EGFR: variants seen among roughly 807,000 people sequenced by gnomAD.
The protein encoded by EGFR is epidermal growth factor receptor, also known as avian erythroblastic leukemia viral (v-erb-b) oncogene homolog.
EGFR carries 58 observed loss-of-function variants against 143.0 expected under a neutral mutation model. The observed-to-expected ratio is 0.41, with a 90% confidence interval of 0.33 to 0.50. EGFR has a LOEUF of 0.50. Ranked by LOEUF, EGFR falls within the 20% of genes least tolerant of loss-of-function variation. The probability of loss-of-function intolerance (pLI) is 0.39; values close to 1 mark genes in which losing one functional copy is unlikely to be tolerated. For missense variants in EGFR, 1,307 were observed against 1,579.0 expected (o/e 0.83, Z 2.92); for synonymous variants, 613 against 594.4 (o/e 1.03, Z -0.45).
At chr7:55,043,008 T>C (rs1216158827) in intron 1 of EGFR, among the ~76,000 whole-genome samples, 2 of 152,132 alleles carry the variant, frequency 1.3e-5, no homozygotes. Context: ...AGTATATATA[T>C]TCCACCTCTT....
Position 55,160,240 on chromosome 7 carries a change from A to G in EGFR, c.1400A>G (p.Lys467Arg). Residue 467 changes from lysine to arginine, a missense_variant, in exon 12 of 28, where the codon AAA becomes AGA. Physicochemically the swap from Lys to Arg is conservative, Grantham distance 26 (BLOSUM62 2). Coordinates refer to ENST00000275493, the MANE Select transcript of EGFR (RefSeq NM_005228.5). ...SDGDVIISGN[K>R]NLCYANTINW... ...GGAGATGTGATAATTTCAGGAAACA[A>G]AAATTTGTGCTATGCAAATACAATA... is the stretch of plus-strand genomic sequence containing the variant. The G allele has an allele frequency of 1.2e-6, 2 of 1,614,222 alleles. No homozygotes were observed. Among genetic ancestry groups the G allele is most frequent in the Non-Finnish European group, 1.7e-6 (2 of 1,180,044 alleles).
intron 1 of EGFR, among the ~76,000 whole-genome samples, chr7:55,050,135 A>G (rs988473691): frequency 6.6e-6 from 1 of 152,360 alleles, no homozygotes; most frequent in Middle Eastern, 3.4e-3. Flanking sequence ...AGTGGAGTTC[A>G]GTGGCATTAA....
chr7:55,091,847 AACACACACAC>A lies in EGFR; in HGVS notation c.89-50404_89-50395del, dbSNP rs71014681. Among the ~76,000 whole-genome samples, 268 of 132,182 alleles carry A rather than the reference AACACACACAC, an allele frequency of 2.0e-3. 4 individuals are homozygous for A. Among genetic ancestry groups the A allele is most frequent in the African/African-American group, 5.6e-3 (195 of 35,022 alleles). The allele number at this position is 132,182 out of a possible 152,430, so 86.7% of individuals were successfully genotyped here. A position where few individuals can be genotyped will look rare whatever the true frequency, so the allele number is the denominator to read the frequency against. Reference sequence around the variant, plus strand: ...CTTATCCAAACCCTGACCCACTGTAAACACACACACACACACACACACACACACACACACA... The same window carrying A: ...CTTATCCAAACCCTGACCCACTGTAAACACACACACACACACACACACACA... On this transcript the variant is annotated intron_variant, in intron 1 of 27. Coordinates refer to ENST00000275493, the MANE Select transcript of EGFR (RefSeq NM_005228.5).
chr7:55,114,033 A>G (rs1792681830), intron 1 of EGFR, among the ~76,000 whole-genome samples: 1 of 152,246 alleles, frequency 6.6e-6, no homozygotes, highest in Non-Finnish European at 1.5e-5. Context: ...TGCCAAAACC[A>G]GGTTCCTTCC....
At chr7:55,024,901 T>G (rs1490978666) in intron 1 of EGFR, among the ~76,000 whole-genome samples, 4 of 152,200 alleles carry the variant, frequency 2.6e-5, no homozygotes, top group Non-Finnish European at 4.4e-5. Context: ...GTCTTTGCCT[T>G]TAATTCTACA....
intron 1 of EGFR, among the ~76,000 whole-genome samples, chr7:55,059,023 ACCTGGT>A (rs1789004602): frequency 6.6e-6 from 1 of 152,208 alleles, no homozygotes; most frequent in Non-Finnish European, 1.5e-5. Context: ...TTTCTGTTGG[ACCTGGT>A]GTTGGGGTTT....
rs2128969871 is a variant in EGFR at position 55,200,357 on chromosome 7, T to A, written c.2890T>A (p.Leu964Met). Residue 964 changes from leucine to methionine, a missense_variant, in exon 24 of 28, where the codon TTG becomes ATG. Transcript: ENST00000275493. Reference protein sequence around the residue: ...DADSRPKFRELIIEFSKMARD... With the variant: ...DADSRPKFREMIIEFSKMARD... The stretch of plus-strand genomic sequence containing the variant: ...AGATAGTCGCCCAAAGTTCCGTGAG[T>A]TGATCATCGAATTCTCCAAAATGGC... The A allele has an allele frequency of 1.2e-6, 2 of 1,614,164 alleles. No homozygotes were observed.
chr7:55,205,414 C>A lies in EGFR; in HGVS notation c.3430C>A (p.Pro1144Thr), dbSNP rs1788070401. The change falls in exon 28 of 28, where the codon CCC (proline) becomes ACC (threonine). Residue 1144 changes from proline (P) to threonine (T), a missense_variant. This residue lies in a region of EGFR where 313 missense variants were observed against 312.3 expected (regional missense o/e 1.00). Coordinates refer to ENST00000275493, the MANE Select transcript of EGFR (RefSeq NM_005228.5). Reference sequence around the variant, plus strand: ...CCCCGAGTATCTCAACACTGTCCAGCCCACCTGTGTCAACAGCACATTCGA... The same window carrying A: ...CCCCGAGTATCTCAACACTGTCCAGACCACCTGTGTCAACAGCACATTCGA... The part of the protein sequence containing the change: ...GNPEYLNTVQ[P>T]TCVNSTFDSP... 6.2e-7 allele frequency: 1 copy of A among 1,614,132 alleles called. No individual in the cohort carries two copies. The highest frequency in any genetic ancestry group is 1.1e-5 in the South Asian group (1 of 91,060).
intron 1 of EGFR, among the ~76,000 whole-genome samples, chr7:55,137,149 T>C (rs1399811230): frequency 6.6e-6 from 1 of 152,134 alleles, no homozygotes; most frequent in Non-Finnish European, 1.5e-5. Flanking sequence ...CAGGCTTTTC[T>C]AGAGGGTAGG....
chr7:55,206,768 C>T lies in EGFR; in HGVS notation c.*1151C>T. ...ATGTTCCCTCCAGGTCAGCTGCCCC[C>T]AAACCCCCTCCTTACGCTTTGTCAC... On this transcript the variant is annotated 3_prime_UTR_variant, in exon 28 of 28. Coordinates refer to ENST00000275493, the MANE Select transcript of EGFR (RefSeq NM_005228.5). The T allele has an allele frequency of 4.3e-6, 1 of 233,406 alleles. No homozygotes were observed. The highest frequency in any genetic ancestry group is 8.5e-6 in the Non-Finnish European group (1 of 118,178). The allele number at this position is 233,406 out of a possible 1,614,324, so 14.5% of individuals were successfully genotyped here. A position where few individuals can be genotyped will look rare whatever the true frequency, so the allele number is the denominator to read the frequency against.
chr7:55,180,878 C>G (rs921806901), intron 19 of EGFR: 4 of 290,756 alleles, frequency 1.4e-5, no homozygotes, highest in African/African-American at 6.5e-5. Context: ...CCAGGGTGTT[C>G]CGGACCCCAC....
rs1785141951 is a variant in EGFR at position 55,151,385 on chromosome 7, A to T, written c.628+23A>T. ...AACGTAAGTCAGTGAACAGCCTCAG[A>T]CCCATGTGTGACCGCCCCTCTCTTC... is the stretch of plus-strand genomic sequence containing the variant. On this transcript the variant is annotated intron_variant, in intron 5 of 27. Coordinates refer to ENST00000275493, the MANE Select transcript of EGFR (RefSeq NM_005228.5). The T allele has an allele frequency of 1.9e-6, 3 of 1,613,478 alleles. No homozygotes were observed. In the Admixed American group the frequency reaches 5.0e-5, roughly 27 times the overall value.
intron 7 of EGFR, among the ~76,000 whole-genome samples, chr7:55,155,514 C>T (rs1294867600): frequency 2.0e-5 from 3 of 152,180 alleles, no homozygotes; most frequent in African/African-American, 7.2e-5. Context: ...AAATGAATTA[C>T]TTTAAAGGTG....
chr7:55,041,414 A>T (rs1323682025), intron 1 of EGFR, among the ~76,000 whole-genome samples: 3 of 152,170 alleles, frequency 2.0e-5, no homozygotes, highest in Non-Finnish European at 4.4e-5. Context: ...CCATCGCAAA[A>T]AAAAAAGAAG....
At chr7:55,103,445 A>G (rs1225152860) in intron 1 of EGFR, among the ~76,000 whole-genome samples, 1 of 152,232 alleles carries the variant, frequency 6.6e-6, no homozygotes, top group African/African-American at 2.4e-5. Flanking sequence ...CCTGTAATAT[A>G]CTTTTGTAAA....
At chr7:55,038,073 T>C (rs1440170494) in intron 1 of EGFR, among the ~76,000 whole-genome samples, 3 of 152,130 alleles carry the variant, frequency 2.0e-5, no homozygotes, top group Non-Finnish European at 4.4e-5. Flanking sequence ...GGGAGGTTTT[T>C]CAAAACCTTG....
chr7:55,063,978 A>G (rs1789351446), intron 1 of EGFR, among the ~76,000 whole-genome samples: 1 of 152,184 alleles, frequency 6.6e-6, no homozygotes, highest in Non-Finnish European at 1.5e-5. Context: ...AATCTAATTA[A>G]AAAAATTATA....
At chr7:55,037,507 G>A (rs1230817622) in intron 1 of EGFR, among the ~76,000 whole-genome samples, 1 of 152,236 alleles carries the variant, frequency 6.6e-6, no homozygotes, top group African/African-American at 2.4e-5. Flanking sequence ...AGCTTCCTCA[G>A]AGCCTTCCGC....
rs1432070752 is a variant in EGFR at position 55,061,649 on chromosome 7, T to TGTGTGTGAGA, written c.88+42285_88+42286insTGTGTGAGAG. Among the ~76,000 whole-genome samples the TGTGTGTGAGA allele has an allele frequency of 9.3e-3, 1,230 of 132,766 alleles. 14 individuals carry two copies. The highest frequency in any genetic ancestry group is 0.016 in the Middle Eastern group (4 of 246). 87.1% of individuals were successfully genotyped at this position (132,766 alleles called of 152,430 possible). Reference sequence around the variant, plus strand: ...GTGTGTGTGTGTGTGTGTGTGTGTGTGAGAGAGAGAGAGAGAGAGAGAGAC... The same window carrying TGTGTGTGAGA: ...GTGTGTGTGTGTGTGTGTGTGTGTGTGTGTGTGAGAGAGAGAGAGAGAGAGAGAGAGAGAC... On this transcript the variant is annotated intron_variant, in intron 1 of 27. Coordinates refer to ENST00000275493, the MANE Select transcript of EGFR (RefSeq NM_005228.5).
Sources: gnomAD v4.1 joint callset for allele counts (sites outside exome capture counted in the v4.1 genomes callset) on GRCh38, gnomAD v4.1.1 for gene constraint, gnomAD v4.1.1 regional missense constraint, MANE v1.5 for transcripts, NCBI Gene and HGNC (gene_info 2026-07-23, HGNC 2026-07-21) for gene names.